Variants in PDE1A observed in about 807,000 individuals in gnomAD.
PDE1A encodes dual specificity calcium/calmodulin-dependent 3',5'-cyclic nucleotide phosphodiesterase 1A.
A neutral mutation model predicts 61.7 loss-of-function variants in PDE1A; 35 were observed. That is an observed-to-expected ratio of 0.57 (90% confidence interval 0.43 to 0.75). PDE1A has a LOEUF of 0.75. PDE1A is among the 30% of genes least tolerant of loss of function. PDE1A has a pLI of 0.00. For synonymous variants in PDE1A, 232 were observed against 213.2 expected, an observed-to-expected ratio of 1.09 and a Z score of -0.77; for missense variants, 597 against 630.6, an observed-to-expected ratio of 0.95 and a Z score of 0.57.
At chr2:182,177,406 T>C (rs1456329175) in intron 13 of PDE1A, among the ~76,000 whole-genome samples, 1 of 151,918 alleles carries the variant, frequency 6.6e-6, no homozygotes, top group Admixed American at 6.6e-5. Flanking sequence ...CTTCCTGGTT[T>C]AGTCTTGGGA....
the PDE1A span, among the ~76,000 whole-genome samples, chr2:182,551,934 T>G: frequency 6.6e-6 from 1 of 152,180 alleles, no homozygotes; most frequent in Non-Finnish European, 1.5e-5. Flanking sequence ...ACACAGTGTC[T>G]ATTTCTATAC....
At position 182,205,922 on chromosome 2, in the gene PDE1A, G is replaced by C; in HGVS notation, c.902+18C>G. ...TTTCCTGAAATTAAATTTCCTCTAG[G>C]TTTTCTCTGAAACTCACCTCCAGTC... is the stretch of plus-strand genomic sequence containing the variant. On this transcript the variant is annotated intron_variant, in intron 8 of 13. Coordinates refer to ENST00000351439, the Ensembl canonical transcript of PDE1A. The C allele has an allele frequency of 6.3e-7, 1 of 1,589,382 alleles. No homozygotes were observed. The highest frequency in any genetic ancestry group is 8.6e-7 in the Non-Finnish European group (1 of 1,166,270).
the PDE1A span, among the ~76,000 whole-genome samples, chr2:182,617,317 A>T: frequency 6.6e-6 from 1 of 152,152 alleles, no homozygotes; most frequent in African/African-American, 2.4e-5. Context: ...CACCCCACAC[A>T]TGTTGTCACA....
chr2:182,536,859 C>A, the PDE1A span, among the ~76,000 whole-genome samples: 1 of 152,136 alleles, frequency 6.6e-6, no homozygotes, highest in Non-Finnish European at 1.5e-5. Context: ...TGAGCCACCA[C>A]GGAAGAATTC....
intron 2 of PDE1A, among the ~76,000 whole-genome samples, chr2:182,494,068 A>G (rs1439032711): frequency 1.3e-5 from 2 of 152,226 alleles, no homozygotes; most frequent in Non-Finnish European, 2.9e-5. Context: ...GTCCTTCAGA[A>G]ATGTACATTC....
chr2:182,378,181 A>G (rs927382811), intron 1 of PDE1A, among the ~76,000 whole-genome samples: 3 of 152,216 alleles, frequency 2.0e-5, no homozygotes, highest in African/African-American at 7.2e-5. Flanking sequence ...TACTGATAAC[A>G]AAACAACATG....
chr2:182,248,436 C>T (rs1179063788), intron 2 of PDE1A, among the ~76,000 whole-genome samples: 3 of 152,192 alleles, frequency 2.0e-5, no homozygotes, highest in South Asian at 2.1e-4. Context: ...TTTCTAAACA[C>T]GACCTGGGTG....
At chr2:182,535,526 T>C in the PDE1A span, among the ~76,000 whole-genome samples, 1 of 152,206 alleles carries the variant, frequency 6.6e-6, no homozygotes, top group Admixed American at 6.5e-5. Flanking sequence ...TATATTATTT[T>C]CTATCCAATT....
the PDE1A span, among the ~76,000 whole-genome samples, chr2:182,569,242 T>C: frequency 1.5e-5 from 2 of 129,430 alleles, no homozygotes; most frequent in African/African-American, 3.4e-5. Context: ...GACAGAGTGA[T>C]AACCTGTCTC....
intron 1 of PDE1A, among the ~76,000 whole-genome samples, chr2:182,353,740 TACTC>T (rs765418903): frequency 6.6e-6 from 1 of 152,078 alleles, no homozygotes; most frequent in Non-Finnish European, 1.5e-5. Context: ...CAGAATAAAA[TACTC>T]ACTACATTAA....
chr2:182,361,013 C>T (rs1699472628), intron 1 of PDE1A, among the ~76,000 whole-genome samples: 1 of 152,042 alleles, frequency 6.6e-6, no homozygotes, highest in South Asian at 2.1e-4. Flanking sequence ...CTCATTTAGT[C>T]CTCCAACAAC....
the PDE1A span, among the ~76,000 whole-genome samples, chr2:182,685,004 G>A: frequency 1.4e-4 from 21 of 151,520 alleles, no homozygotes; most frequent in Admixed American, 1.3e-4. Context: ...GAAGTGCCTT[G>A]CATGATGCAA....
intron 2 of PDE1A, among the ~76,000 whole-genome samples, chr2:182,457,998 A>G (rs1333409123): frequency 6.6e-6 from 1 of 152,076 alleles, no homozygotes; most frequent in African/African-American, 2.4e-5. Context: ...TACATCCTCT[A>G]TTGATAAGGG....
the PDE1A span, among the ~76,000 whole-genome samples, chr2:182,549,889 T>C: frequency 1.3e-5 from 2 of 152,200 alleles, no homozygotes; most frequent in African/African-American, 4.8e-5. Flanking sequence ...TAAATTGATA[T>C]ACAAATGAAA....
chr2:182,710,701 TG>T, the PDE1A span, among the ~76,000 whole-genome samples: 1 of 152,250 alleles, frequency 6.6e-6, no homozygotes, highest in African/African-American at 2.4e-5. Context: ...TTCTTTTTTA[TG>T]GCTGAATAAT....
intron 1 of PDE1A, among the ~76,000 whole-genome samples, chr2:182,351,495 G>C (rs1216552085): frequency 6.6e-6 from 1 of 152,182 alleles, no homozygotes; most frequent in Non-Finnish European, 1.5e-5. Flanking sequence ...TGGGGGAAAA[G>C]CAGTACCAAT....
intron 1 of PDE1A, among the ~76,000 whole-genome samples, chr2:182,322,744 A>G (rs1696777404): frequency 6.6e-6 from 1 of 152,198 alleles, no homozygotes; most frequent in Non-Finnish European, 1.5e-5. Context: ...CCATTTTTAT[A>G]AAGTTTAGTA....
intron 2 of PDE1A, among the ~76,000 whole-genome samples, chr2:182,495,784 A>T (rs1392388224): frequency 2.0e-5 from 3 of 152,164 alleles, no homozygotes; most frequent in Non-Finnish European, 1.5e-5. Flanking sequence ...CCTACCCTTC[A>T]TTAAGATTCA....
rs1700063232 is a variant in PDE1A at position 182,370,327 on chromosome 2, G to C, written c.53+56251C>G. On this transcript the variant is annotated intron_variant, in intron 1 of 13. Transcript: ENST00000351439. ...AAATTAATAGGTCGCATGCCTAATG[G>C]ACTCTAGTTCCTTGAAAGGATCATA... Among the ~76,000 whole-genome samples, 3 of 152,290 alleles carry C rather than the reference G, an allele frequency of 2.0e-5. No homozygotes were observed. In the South Asian group the frequency reaches 6.2e-4, roughly 32 times the overall value.
Sources: gnomAD v4.1 joint callset for allele counts (sites outside exome capture counted in the v4.1 genomes callset) on GRCh38, gnomAD v4.1.1 for gene constraint, MANE v1.5 for transcripts, NCBI Gene and HGNC (gene_info 2026-07-23, HGNC 2026-07-21) for gene names.